C1QB: variants seen among roughly 807,000 people sequenced by gnomAD.
C1QB encodes the protein complement C1q B chain, also known as complement C1q subcomponent subunit B.
C1QB carries 2 observed loss-of-function variants against 4.6 expected under a neutral mutation model. That is an observed-to-expected ratio of 0.43 (90% CI 0.18 to 1.36). The LOEUF (loss-of-function observed/expected upper bound fraction) is 1.36. Ranked by LOEUF, C1QB falls within the 40% of genes most tolerant of loss-of-function variation. The probability of loss-of-function intolerance (pLI) is 0.28; values close to 1 mark genes in which losing one functional copy is unlikely to be tolerated. For synonymous variants in C1QB, 132 were observed against 137.1 expected (o/e 0.96, Z 0.26); for missense variants, 292 against 338.0 (o/e 0.86, Z 1.07).
At chr1:22,657,801 G>C (rs1439046287) in intron 1 of C1QB, among the ~76,000 whole-genome samples, 1 of 152,156 alleles carries the variant, frequency 6.6e-6, no homozygotes, top group African/African-American at 2.4e-5. Context: ...GAACTTAAAG[G>C]CCACTTTGTC....
chr1:22,659,400 A>C, intron 1 of C1QB, 40 bp from the exon 2 acceptor site: 2 of 1,552,162 alleles, frequency 1.3e-6, no homozygotes, highest in South Asian at 2.2e-5. Flanking sequence ...GGATGATAGG[A>C]TCACCACGGT....
intron 1 of C1QB, among the ~76,000 whole-genome samples, chr1:22,658,525 T>C (rs529988519): frequency 6.6e-6 from 1 of 152,342 alleles, no homozygotes; most frequent in African/African-American, 2.4e-5. Context: ...ACTATTTCTA[T>C]TTACTTTATG....
chr1:22,655,558 C>T (rs184647511), intron 1 of C1QB, among the ~76,000 whole-genome samples: 260 of 152,330 alleles, frequency 1.7e-3, no homozygotes, highest in Non-Finnish European at 2.9e-3. Context: ...GGCCACAACC[C>T]TGCTGTTAGA....
intron 1 of C1QB, among the ~76,000 whole-genome samples, chr1:22,658,435 C>T (rs1289005021): frequency 1.3e-5 from 2 of 152,198 alleles, no homozygotes; most frequent in African/African-American, 4.8e-5. Context: ...TCACAAAACC[C>T]ACCACCTCCC....
intron 1 of C1QB, among the ~76,000 whole-genome samples, chr1:22,655,882 G>T (rs1052784903): frequency 3.3e-5 from 5 of 152,196 alleles, no homozygotes; most frequent in South Asian, 2.1e-4. Context: ...GAGGAAGAAG[G>T]CTTTGACCCA....
At chr1:22,659,717 C>T (rs1642593056) in intron 2 of C1QB, 74 bp downstream of exon 2, 3 of 1,525,690 alleles carry the variant, frequency 2.0e-6, no homozygotes, top group Non-Finnish European at 2.7e-6. Flanking sequence ...GTCACAGTTG[C>T]CTACCTTTGA....
intron 1 of C1QB, among the ~76,000 whole-genome samples, chr1:22,656,402 G>C (rs569301088): frequency 4.9e-4 from 74 of 152,272 alleles, no homozygotes; most frequent in African/African-American, 1.8e-3. Context: ...AGCCAAGCGA[G>C]ATGGTGCGTG....
chr1:22,659,290 A>AGG, intron 1 of C1QB, 150 bp from the exon 2 acceptor site: 2 of 715,290 alleles, frequency 2.8e-6, no homozygotes, highest in Non-Finnish European at 4.7e-6. Flanking sequence ...GGAGGGATAG[A>AGG]GAGATGGATG....
At chr1:22,657,867 C>T (rs294187) in intron 1 of C1QB, among the ~76,000 whole-genome samples, 17,304 of 152,146 alleles carry the variant, frequency 0.11, 1,630 homozygotes, top group African/African-American at 0.24. Context: ...GACAGCCCAC[C>T]GGCTTCTTCC....
At chr1:22,656,082 G>T (rs1230422159) in intron 1 of C1QB, among the ~76,000 whole-genome samples, 1 of 152,154 alleles carries the variant, frequency 6.6e-6, no homozygotes, top group African/African-American at 2.4e-5. Flanking sequence ...GTGATGTGCA[G>T]CTAGCGTTGT....
At position 22,655,875 on chromosome 1, in the gene C1QB, G is replaced by A. The variant is rs1642522452; in HGVS notation, c.-24+2572G>A. Reference sequence around the variant, plus strand: ...GCCTCTGAGGAAAGGTTTCCTGGAGGAAGAAGGCTTTGACCCAAGCTTCGA... The same window carrying A: ...GCCTCTGAGGAAAGGTTTCCTGGAGAAAGAAGGCTTTGACCCAAGCTTCGA... On this transcript the variant is annotated intron_variant, in intron 1 of 2. Coordinates refer to ENST00000509305, the MANE Select transcript of C1QB (RefSeq NM_001378156.1). 2.6e-5 allele frequency among the ~76,000 whole-genome samples: 4 copies of A among 152,304 alleles called. No homozygotes were observed. The South Asian group carries it at 8.3e-4, about 32-fold the overall frequency.
In C1QB at chr1:22,661,388, C is replaced by T; in HGVS notation, c.*2C>T. On this transcript the variant is annotated 3_prime_UTR_variant, in exon 3 of 3. Transcript: ENST00000509305. ...CTCTTTCCAGATATGGAGGCCTGAC[C>T]TGTGGGCTGCTTCACATCCACCCCG... The T allele has an allele frequency of 6.2e-7, 1 of 1,613,892 alleles. No homozygotes were observed. Among genetic ancestry groups the T allele is most frequent in the Non-Finnish European group, 8.5e-7 (1 of 1,180,010 alleles).
In C1QB at chr1:22,661,106, C is replaced by G; in HGVS notation, c.476C>G (p.Thr159Ser). The change falls in exon 3 of 3, where the codon ACC becomes AGC. Residue 159 changes from threonine to serine, a missense_variant. Transcript: ENST00000509305. Reference protein sequence around the residue: ...NNYEPRSGKFTCKVPGLYYFT... With the variant: ...NNYEPRSGKFSCKVPGLYYFT... ...TATGAGCCCCGCAGTGGCAAGTTCA[C>G]CTGCAAGGTGCCCGGTCTCTACTAC... The G allele has an allele frequency of 6.2e-7, 1 of 1,614,172 alleles. No individual in the cohort carries two copies. The highest frequency in any genetic ancestry group is 8.5e-7 in the Non-Finnish European group (1 of 1,180,016).
intron 2 of C1QB, among the ~76,000 whole-genome samples, chr1:22,660,541 A>T (rs1642604673): frequency 6.6e-6 from 1 of 152,098 alleles, no homozygotes; most frequent in Non-Finnish European, 1.5e-5. Context: ...GGACCCCCAC[A>T]CAAGCTGGGG....
intron 2 of C1QB, among the ~76,000 whole-genome samples, chr1:22,660,050 T>G (rs1159737475): frequency 6.6e-6 from 1 of 152,140 alleles, no homozygotes; most frequent in Non-Finnish European, 1.5e-5. Context: ...TGTCATGGGG[T>G]TCAAATGAGA....
intron 1 of C1QB, among the ~76,000 whole-genome samples, chr1:22,657,913 C>G (rs1456677505): frequency 2.0e-5 from 3 of 152,182 alleles, no homozygotes; most frequent in African/African-American, 7.2e-5. Context: ...CATCACTGCC[C>G]TCTTGCCAGA....
intron 1 of C1QB, among the ~76,000 whole-genome samples, chr1:22,658,737 T>A (rs1642564842): frequency 6.6e-6 from 1 of 151,072 alleles, no homozygotes. Flanking sequence ...GATGGATGGA[T>A]GAACGGATGG....
At position 22,660,896 on chromosome 1, in the gene C1QB, C is replaced by A; in HGVS notation, c.266C>A (p.Pro89His). The change falls in exon 3 of 3, where the codon CCC becomes CAC. Residue 89 changes from proline to histidine, a missense_variant. Physicochemically the swap from Pro to His is moderately conservative, Grantham distance 77. Transcript: ENST00000509305. ...GIPGNPGKVGPKGPMGPKGGP... is the reference protein window; with the variant it reads ...GIPGNPGKVGHKGPMGPKGGP... The stretch of plus-strand genomic sequence containing the variant: ...CCTGGGAATCCAGGAAAAGTCGGCC[C>A]CAAGGGCCCCATGGGCCCTAAAGGT... 3 of 1,613,184 alleles carry A rather than the reference C, an allele frequency of 1.9e-6. No individual in the cohort carries two copies. The highest frequency in any genetic ancestry group is 1.1e-5 in the South Asian group (1 of 91,050).
chr1:22,658,856 A>C (rs1315798925), intron 1 of C1QB, among the ~76,000 whole-genome samples: 1 of 140,348 alleles, frequency 7.1e-6, no homozygotes, highest in Admixed American at 7.2e-5. Flanking sequence ...CAGGGATGGA[A>C]GGATGGAGGG....
Sources: allele counts gnomAD v4.1 joint callset (sites outside exome capture counted in the v4.1 genomes callset), GRCh38; gene constraint gnomAD v4.1.1; transcripts MANE v1.5; gene names NCBI Gene and HGNC (gene_info 2026-07-23, HGNC 2026-07-21).